The following MAD1L1 variants were observed in gnomAD, a reference collection of about 807,000 sequenced individuals.
MAD1L1 encodes mitotic arrest deficient 1 like 1.
Under a neutral mutation model 96.9 loss-of-function variants are expected in MAD1L1, and 95 were observed. The ratio of observed to expected loss-of-function variants is 0.98; its 90% CI spans 0.83 to 1.16. The LOEUF (loss-of-function observed/expected upper bound fraction) is 1.16. Among genes scored for constraint, MAD1L1 ranks in the 50% most tolerant of loss-of-function variants. MAD1L1 has a pLI of 0.00. For synonymous variants in MAD1L1, 473 were observed against 396.6 expected (o/e 1.19, Z -2.29); for missense variants, 1,007 against 954.4 (o/e 1.06, Z -0.73).
At chr7:1,957,598 G>GTGCCTCACCCAGAGGC in intron 16 of MAD1L1, 31 bp downstream of exon 16, 1 of 1,606,014 alleles carries the variant, frequency 6.2e-7, no homozygotes, top group Non-Finnish European at 8.5e-7. Flanking sequence ...GGCCCAGGCA[G>GTGCCTCACCCAGAGGC]TGCCTCACCC....
intron 12 of MAD1L1, among the ~76,000 whole-genome samples, chr7:2,037,550 G>C (rs1366418938): frequency 2.0e-5 from 3 of 152,200 alleles, no homozygotes; most frequent in Non-Finnish European, 2.9e-5. Flanking sequence ...TCTGTAATGG[G>C]TGGTCTCTGA....
chr7:1,888,346 G>A (rs1786286285), intron 18 of MAD1L1, among the ~76,000 whole-genome samples: 2 of 149,490 alleles, frequency 1.3e-5, no homozygotes, highest in Admixed American at 1.3e-4. Flanking sequence ...GGCTGCCTGT[G>A]CATGTGTGTG....
chr7:1,883,828 G>C (rs750166579), intron 18 of MAD1L1, among the ~76,000 whole-genome samples: 1 of 152,166 alleles, frequency 6.6e-6, no homozygotes, highest in Non-Finnish European at 1.5e-5. Context: ...CCAACTCCCA[G>C]CTCCGAGTTC....
At chr7:2,213,456 C>T (rs1584565667) in intron 9 of MAD1L1, among the ~76,000 whole-genome samples, 183 bp from the exon 10 acceptor site, 1 of 152,202 alleles carries the variant, frequency 6.6e-6, no homozygotes, top group Non-Finnish European at 1.5e-5. Context: ...TCCCCAACTG[C>T]AGAAGCCACA....
intron 11 of MAD1L1, among the ~76,000 whole-genome samples, chr7:2,110,017 C>T (rs556440319): frequency 1.1e-4 from 16 of 152,364 alleles, no homozygotes; most frequent in Admixed American, 9.8e-4. Context: ...GCTGCGCAGG[C>T]CGGAGGTGGC....
intron 17 of MAD1L1, among the ~76,000 whole-genome samples, chr7:1,922,050 C>G (rs1200191042): frequency 6.6e-6 from 1 of 152,226 alleles, no homozygotes. Flanking sequence ...AGAAACCAAT[C>G]AGCCCTGTCT....
chr7:2,046,601 G>A (rs1485386116), intron 12 of MAD1L1, among the ~76,000 whole-genome samples: 13 of 152,160 alleles, frequency 8.5e-5, no homozygotes, highest in Admixed American at 8.5e-4. Context: ...CTCCTCAGCT[G>A]CTAAACCCCT....
chr7:1,916,859 C>A (rs763401555), intron 17 of MAD1L1, among the ~76,000 whole-genome samples: 1 of 152,068 alleles, frequency 6.6e-6, no homozygotes, highest in Admixed American at 6.5e-5. Flanking sequence ...ACGACCCTGG[C>A]GCATCTCCCG....
intron 11 of MAD1L1, among the ~76,000 whole-genome samples, chr7:2,121,813 G>T (rs371680376): frequency 2.0e-5 from 3 of 152,178 alleles, no homozygotes; most frequent in Admixed American, 6.5e-5. Flanking sequence ...CCTCCAGACG[G>T]TGAGGTGTGT....
intron 10 of MAD1L1, among the ~76,000 whole-genome samples, chr7:2,198,602 G>T (rs1304309256): frequency 6.6e-6 from 1 of 152,194 alleles, no homozygotes; most frequent in African/African-American, 2.4e-5. Context: ...CTTCCTGGGG[G>T]TCAAGAGCAT....
At chr7:1,859,266 G>T (rs538408978) in intron 18 of MAD1L1, among the ~76,000 whole-genome samples, 15 of 152,320 alleles carry the variant, frequency 9.8e-5, no homozygotes, top group Non-Finnish European at 1.8e-4. Flanking sequence ...CAGCTGTGAT[G>T]ATCAGAACCC....
At chr7:1,996,530 G>A (rs568652965) in intron 14 of MAD1L1, among the ~76,000 whole-genome samples, 1 of 152,364 alleles carries the variant, frequency 6.6e-6, no homozygotes, top group Admixed American at 6.5e-5. Context: ...ACGGTCGCCA[G>A]ATTTCAGAAT....
In MAD1L1 at chr7:1,952,605, T is replaced by C. The variant is rs551491862; in HGVS notation, c.1596+5024A>G. Among the ~76,000 whole-genome samples the C allele has an allele frequency of 3.9e-5, 6 of 152,242 alleles. No homozygotes were observed. In the East Asian group the frequency reaches 5.8e-4, roughly 15 times the overall value. On this transcript the variant is annotated intron_variant, in intron 16 of 18. Transcript: ENST00000265854. Reference sequence around the variant, plus strand: ...GAGGTGCGTGAAGGTGGCTCACGCATGGGAGGGGAGGGCTGGGCTGGTGAG... The same window carrying C: ...GAGGTGCGTGAAGGTGGCTCACGCACGGGAGGGGAGGGCTGGGCTGGTGAG...
At chr7:2,216,716 A>T (rs1354905342) in intron 7 of MAD1L1, among the ~76,000 whole-genome samples, 2 of 152,098 alleles carry the variant, frequency 1.3e-5, no homozygotes, top group African/African-American at 4.8e-5. Flanking sequence ...GGTACACAGG[A>T]GCTTTACCTT....
chr7:1,975,578 C>T (rs984928523), intron 15 of MAD1L1, among the ~76,000 whole-genome samples: 2 of 152,218 alleles, frequency 1.3e-5, no homozygotes, highest in Admixed American at 6.5e-5. Flanking sequence ...CATGAGGGGA[C>T]TTAGAGCAGC....
intron 12 of MAD1L1, among the ~76,000 whole-genome samples, chr7:2,063,272 C>T (rs964643602): frequency 2.0e-5 from 3 of 152,228 alleles, no homozygotes; most frequent in Non-Finnish European, 4.4e-5. Context: ...CTCTCTGATC[C>T]AAGAGTGGGC....
intron 18 of MAD1L1, among the ~76,000 whole-genome samples, chr7:1,858,565 G>GCTGACC (rs1784370199): frequency 6.6e-6 from 1 of 152,214 alleles, no homozygotes; most frequent in Non-Finnish European, 1.5e-5. Flanking sequence ...TTCAGGTCTT[G>GCTGACC]CTGACCCTGT....
intron 16 of MAD1L1, among the ~76,000 whole-genome samples, chr7:1,954,953 G>A (rs1176976443): frequency 6.6e-6 from 1 of 152,136 alleles, no homozygotes; most frequent in African/African-American, 2.4e-5. Context: ...GGGCTCTTAG[G>A]GAGACCCAGA....
At chr7:2,178,369 G>A (rs941595820) in intron 10 of MAD1L1, among the ~76,000 whole-genome samples, 2 of 152,144 alleles carry the variant, frequency 1.3e-5, no homozygotes, top group Non-Finnish European at 2.9e-5. Flanking sequence ...TGTCATCTGA[G>A]AACAATGCTC....
Sources: gnomAD v4.1 joint callset for allele counts (sites outside exome capture counted in the v4.1 genomes callset) on GRCh38, gnomAD v4.1.1 for gene constraint, MANE v1.5 for transcripts, NCBI Gene and HGNC (gene_info 2026-07-23, HGNC 2026-07-21) for gene names.